The following THSD7B variants were observed in gnomAD, a reference collection of about 807,000 sequenced individuals.
THSD7B encodes the protein thrombospondin type-1 domain-containing protein 7B.
A neutral mutation model predicts 213.6 loss-of-function variants in THSD7B; 138 were observed. That is an observed-to-expected ratio of 0.65 (90% CI 0.56 to 0.74). The LOEUF is 0.74. Among genes scored for constraint, THSD7B ranks in the 30% least tolerant of loss-of-function variants. The probability of loss-of-function intolerance (pLI) is 0.00; values close to 1 mark genes in which losing one functional copy is unlikely to be tolerated. For missense variants in THSD7B, 1,931 were observed against 1,991.5 expected (o/e 0.97, Z 0.58); for synonymous variants, 742 against 687.0 (o/e 1.08, Z -1.25).
intron 12 of THSD7B, among the ~76,000 whole-genome samples, chr2:137,342,448 C>A (rs947344261): frequency 6.6e-6 from 1 of 151,400 alleles, no homozygotes; most frequent in African/African-American, 2.4e-5. Context: ...AAGATTATGT[C>A]ATTAGCAAAC....
rs533836345 is a variant in THSD7B at position 137,305,674 on chromosome 2, T to C, written c.2500+29648T>C. Among the ~76,000 whole-genome samples, 7 of 152,230 alleles carry C rather than the reference T, an allele frequency of 4.6e-5. No individual in the cohort carries two copies. In the South Asian group the frequency reaches 1.3e-3, roughly 27 times the overall value. On this transcript the variant is annotated intron_variant, in intron 12 of 27. Coordinates refer to ENST00000409968, the MANE Select transcript of THSD7B (RefSeq NM_001316349.2). The stretch of plus-strand genomic sequence containing the variant: ...ACTACCAAAGTCCTACTACCTTCCT[T>C]ACCCCTTTTAAATCTCTTAGACTCT...
chr2:137,606,053 G>C (rs1411651747), intron 17 of THSD7B, among the ~76,000 whole-genome samples: 1 of 152,066 alleles, frequency 6.6e-6, no homozygotes, highest in Non-Finnish European at 1.5e-5. Flanking sequence ...CACCCACCTT[G>C]GCTTCCCAAA....
At chr2:137,175,045 A>C (rs1425260354) in intron 7 of THSD7B, among the ~76,000 whole-genome samples, 1 of 152,230 alleles carries the variant, frequency 6.6e-6, no homozygotes, top group Non-Finnish European at 1.5e-5. Context: ...CCACCAAGTG[A>C]CATCTTCAAA....
chr2:137,105,360 C>T (rs1459054250), intron 4 of THSD7B, among the ~76,000 whole-genome samples: 1 of 152,122 alleles, frequency 6.6e-6, no homozygotes, highest in African/African-American at 2.4e-5. Context: ...TTCAACACCC[C>T]TTCATGCTAT....
chr2:137,285,367 G>C (rs1573934310), intron 12 of THSD7B, among the ~76,000 whole-genome samples: 3 of 152,102 alleles, frequency 2.0e-5, no homozygotes. Context: ...TTGCCCGTCT[G>C]TGTCTTTTAA....
chr2:137,253,503 G>A (rs1682234009), intron 10 of THSD7B, among the ~76,000 whole-genome samples: 1 of 152,110 alleles, frequency 6.6e-6, no homozygotes, highest in African/African-American at 2.4e-5. Context: ...AAAAATCTGT[G>A]TTTCCTTCAA....
chr2:137,225,476 A>G (rs1438349816), intron 7 of THSD7B, among the ~76,000 whole-genome samples: 1 of 152,090 alleles, frequency 6.6e-6, no homozygotes, highest in Non-Finnish European at 1.5e-5. Context: ...AAGCAACACA[A>G]CCCCAATGGA....
At chr2:136,891,181 C>G (rs950791607) in intron 2 of THSD7B, among the ~76,000 whole-genome samples, 1 of 151,764 alleles carries the variant, frequency 6.6e-6, no homozygotes, top group Non-Finnish European at 1.5e-5. Flanking sequence ...AATCTTTTTC[C>G]TTTCATTCTC....
At chr2:137,454,919 A>G (rs1687733766) in intron 15 of THSD7B, among the ~76,000 whole-genome samples, 1 of 152,220 alleles carries the variant, frequency 6.6e-6, no homozygotes, top group Non-Finnish European at 1.5e-5. Context: ...AAAAGTAACC[A>G]AATTATAACG....
intron 9 of THSD7B, among the ~76,000 whole-genome samples, chr2:137,238,804 C>G (rs1326020081): frequency 6.6e-6 from 1 of 151,470 alleles, no homozygotes. Context: ...CCACCCGCCT[C>G]GGCCTCCCAA....
At chr2:137,174,572 T>C (rs6744992) in intron 7 of THSD7B, among the ~76,000 whole-genome samples, 145,420 of 152,256 alleles carry the variant, frequency 0.96, 69,520 homozygotes, top group East Asian at 1. Context: ...TTGTTCCATT[T>C]TCTACTTTGA....
chr2:137,509,156 A>AGTCC (rs1267407470), intron 15 of THSD7B, among the ~76,000 whole-genome samples: 2 of 152,182 alleles, frequency 1.3e-5, no homozygotes, highest in African/African-American at 4.8e-5. Context: ...AAGAGACAGG[A>AGTCC]GTCCACCAAA....
At chr2:137,217,859 T>C (rs796293689) in intron 7 of THSD7B, among the ~76,000 whole-genome samples, 54 of 152,268 alleles carry the variant, frequency 3.5e-4, no homozygotes, top group African/African-American at 1.3e-3. Context: ...TATAATGGGT[T>C]AAAGACTTAA....
chr2:136,884,047 T>G (rs943561797), intron 2 of THSD7B, among the ~76,000 whole-genome samples: 11 of 152,246 alleles, frequency 7.2e-5, no homozygotes, highest in Non-Finnish European at 1.5e-5. Flanking sequence ...ATGTATCCCT[T>G]TCCAATCTCT....
At chr2:137,631,498 A>G (rs1446998836) in intron 20 of THSD7B, among the ~76,000 whole-genome samples, 1 of 152,174 alleles carries the variant, frequency 6.6e-6, no homozygotes, top group Admixed American at 6.6e-5. Flanking sequence ...CCCAGATGGC[A>G]TATAATTTTC....
intron 15 of THSD7B, among the ~76,000 whole-genome samples, chr2:137,555,110 T>G (rs1322337652): frequency 6.6e-6 from 1 of 152,170 alleles, no homozygotes; most frequent in Non-Finnish European, 1.5e-5. Context: ...AGACTCCACC[T>G]CTAGGGGCAG....
At chr2:137,189,020 T>C (rs1160437809) in intron 7 of THSD7B, among the ~76,000 whole-genome samples, 1 of 152,190 alleles carries the variant, frequency 6.6e-6, no homozygotes, top group Non-Finnish European at 1.5e-5. Flanking sequence ...TGTCCTGATT[T>C]TGACACATTG....
At chr2:136,947,348 A>T (rs1223860768) in intron 2 of THSD7B, among the ~76,000 whole-genome samples, 1 of 152,208 alleles carries the variant, frequency 6.6e-6, no homozygotes, top group Non-Finnish European at 1.5e-5. Flanking sequence ...TATTTTTCTA[A>T]TTAAGCATAT....
intron 15 of THSD7B, among the ~76,000 whole-genome samples, chr2:137,556,669 C>T (rs112527830): frequency 9.2e-5 from 14 of 152,212 alleles, no homozygotes; most frequent in African/African-American, 2.6e-4. Flanking sequence ...ATCATAATGA[C>T]AGGATCAAAT....
Sources: gnomAD v4.1 joint callset for allele counts (sites outside exome capture counted in the v4.1 genomes callset) on GRCh38, gnomAD v4.1.1 for gene constraint, MANE v1.5 for transcripts, NCBI Gene and HGNC (gene_info 2026-07-23, HGNC 2026-07-21) for gene names.